Variants in PDE11A observed in about 807,000 individuals in gnomAD.
PDE11A encodes the protein phosphodiesterase 11A, also known as dual 3',5'-cyclic-AMP and -GMP phosphodiesterase 11A.
Under a neutral mutation model 100.5 loss-of-function variants are expected in PDE11A, and 100 were observed. The ratio of observed to expected loss-of-function variants is 1.00; its 90% CI spans 0.85 to 1.18. PDE11A has a LOEUF of 1.18. PDE11A is among the 50% of genes most tolerant of loss of function. The pLI is 0.00. For synonymous variants in PDE11A, 381 were observed against 420.8 expected (o/e 0.91, Z 1.16); for missense variants, 1,141 against 1,152.6 (o/e 0.99, Z 0.15).
intron 10 of PDE11A, among the ~76,000 whole-genome samples, chr2:177,754,618 CCAGCAGGCA>C (rs1359130828): frequency 6.6e-6 from 1 of 152,252 alleles, no homozygotes; most frequent in African/African-American, 2.4e-5. Flanking sequence ...GTCCAAAAAT[CCAGCAGGCA>C]CAGTATGCGG....
chr2:177,808,962 A>G (rs13004037), intron 9 of PDE11A, among the ~76,000 whole-genome samples: 15,568 of 152,242 alleles, frequency 0.1, 1,127 homozygotes, highest in Non-Finnish European at 0.15. Context: ...TACACATGCT[A>G]CAACCTTAAT....
intron 10 of PDE11A, among the ~76,000 whole-genome samples, chr2:177,735,427 A>G (rs889022596): frequency 5.9e-5 from 9 of 152,022 alleles, no homozygotes; most frequent in African/African-American, 2.2e-4. Context: ...AAAAACCAGA[A>G]GCATAAAGTT....
At chr2:177,743,720 T>C (rs1376418616) in intron 10 of PDE11A, among the ~76,000 whole-genome samples, 1 of 152,150 alleles carries the variant, frequency 6.6e-6, no homozygotes, top group Non-Finnish European at 1.5e-5. Flanking sequence ...CTGGTAAGAA[T>C]CTGCAATAAG....
chr2:177,705,163 G>A (rs1430697407), intron 13 of PDE11A, among the ~76,000 whole-genome samples: 3 of 151,806 alleles, frequency 2.0e-5, no homozygotes, highest in Non-Finnish European at 2.9e-5. Context: ...TTTTTAAAGA[G>A]GTCATGTCTC....
intron 2 of PDE11A, among the ~76,000 whole-genome samples, chr2:178,102,130 ATTT>A (rs201019394): frequency 6.9e-6 from 1 of 145,142 alleles, no homozygotes. Context: ...CATCTGTCTA[ATTT>A]TTTTTTTTTT....
intron 2 of PDE11A, among the ~76,000 whole-genome samples, chr2:178,012,451 C>G (rs1304050568): frequency 2.0e-5 from 3 of 152,126 alleles, no homozygotes; most frequent in African/African-American, 7.2e-5. Flanking sequence ...ATTTAACTCT[C>G]CTGCTATAGA....
intron 9 of PDE11A, among the ~76,000 whole-genome samples, chr2:177,807,756 ATATTG>A (rs1368163252): frequency 6.6e-6 from 1 of 152,200 alleles, no homozygotes; most frequent in Non-Finnish European, 1.5e-5. Flanking sequence ...ACTAAGACAA[ATATTG>A]TATATGGGTT....
At chr2:177,658,822 C>A (rs13034781) in intron 19 of PDE11A, among the ~76,000 whole-genome samples, 106,060 of 151,574 alleles carry the variant, frequency 0.7, 37,812 homozygotes, top group Admixed American at 0.79. Context: ...TGGAGTAGCA[C>A]CTTATATCCT....
At chr2:177,790,138 A>G (rs1271825350) in intron 9 of PDE11A, among the ~76,000 whole-genome samples, 1 of 151,180 alleles carries the variant, frequency 6.6e-6, no homozygotes, top group African/African-American at 2.4e-5. Flanking sequence ...ACTTCAAACT[A>G]TACTACAAGG....
intron 4 of PDE11A, among the ~76,000 whole-genome samples, chr2:177,892,476 A>C (rs1435122758): frequency 3.3e-5 from 5 of 152,278 alleles, no homozygotes; most frequent in Non-Finnish European, 7.3e-5. Context: ...CAAAAAAGTA[A>C]CATATTCTTT....
rs1358300 is a variant in PDE11A, at chr2:177,905,457, C to A, written c.1072-270G>T. ...AAGCAACAGATTATGAGGGCTGTGA[C>A]ATAGGAACTGTGTCTAAAGCAGCTT... On this transcript the variant is annotated intron_variant, in intron 2 of 19. Coordinates refer to ENST00000286063, the MANE Select transcript of PDE11A (RefSeq NM_016953.4). 9.0e-3 allele frequency among the ~76,000 whole-genome samples: 1,377 copies of A among 152,262 alleles called. 16 individuals are homozygous for A. Among genetic ancestry groups the A allele is most frequent in the African/African-American group, 0.031 (1,300 of 41,534 alleles).
intron 10 of PDE11A, among the ~76,000 whole-genome samples, chr2:177,741,733 T>C (rs1176278709): frequency 2.0e-5 from 3 of 152,172 alleles, no homozygotes; most frequent in Non-Finnish European, 4.4e-5. Flanking sequence ...GAGGAAAACA[T>C]GATACATCAA....
chr2:178,041,495 G>C (rs2086682990), intron 1 of PDE11A, among the ~76,000 whole-genome samples: 2 of 152,004 alleles, frequency 1.3e-5, no homozygotes, highest in African/African-American at 4.8e-5. Context: ...GCCCGCCTCA[G>C]CCTCCAAGTG....
chr2:177,993,144 A>G (rs1982131), intron 2 of PDE11A, among the ~76,000 whole-genome samples: 76,714 of 151,878 alleles, frequency 0.51, 20,154 homozygotes, highest in East Asian at 0.71. Flanking sequence ...TACAGAGCTG[A>G]ATGGAACCAC....
chr2:177,926,681 T>G (rs1490719380), intron 2 of PDE11A, among the ~76,000 whole-genome samples: 3 of 152,212 alleles, frequency 2.0e-5, no homozygotes, highest in Admixed American at 6.5e-5. Context: ...TCATAGCTAT[T>G]TATTGATTTT....
At chr2:177,845,363 C>G (rs1188597997) in intron 5 of PDE11A, among the ~76,000 whole-genome samples, 1 of 150,240 alleles carries the variant, frequency 6.7e-6, no homozygotes, top group Non-Finnish European at 1.5e-5. Flanking sequence ...GGGTCTCGGC[C>G]GGGCAGAGGC....
intron 2 of PDE11A, among the ~76,000 whole-genome samples, chr2:178,002,744 C>T (rs970793893): frequency 6.6e-6 from 1 of 152,086 alleles, no homozygotes; most frequent in African/African-American, 2.4e-5. Flanking sequence ...GGCATGCATA[C>T]ACTGAATAAA....
intron 19 of PDE11A, among the ~76,000 whole-genome samples, chr2:177,659,134 G>A (rs952460024): frequency 1.3e-5 from 2 of 151,926 alleles, no homozygotes; most frequent in Non-Finnish European, 2.9e-5. Context: ...GGTGGTGCAT[G>A]CCTGTAATCT....
chr2:177,914,371 A>G (rs1475820059), intron 2 of PDE11A, among the ~76,000 whole-genome samples: 2 of 152,182 alleles, frequency 1.3e-5, no homozygotes, highest in African/African-American at 2.4e-5. Context: ...TCTAAGATGA[A>G]TAATATTATG....
Sources: gnomAD v4.1 joint callset for allele counts (sites outside exome capture counted in the v4.1 genomes callset) on GRCh38, gnomAD v4.1.1 for gene constraint, MANE v1.5 for transcripts, NCBI Gene and HGNC (gene_info 2026-07-23, HGNC 2026-07-21) for gene names.